Variants in LGSN observed in about 807,000 individuals in gnomAD.
The protein encoded by LGSN is lengsin.
A neutral mutation model predicts 19.5 loss-of-function variants in LGSN; 21 were observed. The ratio of observed to expected loss-of-function variants is 1.07; its 90% CI spans 0.76 to 1.55. The LOEUF is 1.55. Ranked by LOEUF, LGSN falls within the 40% of genes most tolerant of loss-of-function variation. The pLI, the probability that LGSN is intolerant of heterozygous loss-of-function variation, is 0.00. For synonymous variants in LGSN, 257 were observed against 215.6 expected (o/e 1.19, Z -1.68); for missense variants, 673 against 608.5 (o/e 1.11, Z -1.12).
the LGSN span, among the ~76,000 whole-genome samples, chr6:63,411,359 A>T: frequency 6.6e-6 from 1 of 152,196 alleles, no homozygotes; most frequent in East Asian, 1.9e-4. Context: ...CATCAGAGAT[A>T]AGTTACACTA....
the LGSN span, among the ~76,000 whole-genome samples, chr6:63,436,169 A>G: frequency 6.6e-6 from 1 of 152,088 alleles, no homozygotes; most frequent in Non-Finnish European, 1.5e-5. Context: ...TTTTTTCCTT[A>G]TATCACTTTA....
the LGSN span, among the ~76,000 whole-genome samples, chr6:63,536,245 G>A: frequency 1.4e-4 from 22 of 152,236 alleles, no homozygotes; most frequent in Non-Finnish European, 2.5e-4. Context: ...CAGGAGAATC[G>A]CTCGAACCTG....
At chr6:63,414,506 T>C in the LGSN span, among the ~76,000 whole-genome samples, 4 of 152,250 alleles carry the variant, frequency 2.6e-5, no homozygotes, top group South Asian at 2.1e-4. Context: ...GTGTTGATTA[T>C]GTCTATTACC....
the LGSN span, among the ~76,000 whole-genome samples, chr6:63,482,064 A>G: frequency 6.6e-6 from 1 of 152,264 alleles, no homozygotes; most frequent in African/African-American, 2.4e-5. Flanking sequence ...CCTATAAGAT[A>G]TAGTAATTCA....
chr6:63,548,686 C>T, the LGSN span: 1 of 517,778 alleles, frequency 1.9e-6, no homozygotes, highest in Admixed American at 3.1e-5. Flanking sequence ...TTTTTATGTA[C>T]AGAAAACTCA....
At chr6:63,465,251 G>T in the LGSN span, among the ~76,000 whole-genome samples, 3 of 152,044 alleles carry the variant, frequency 2.0e-5, no homozygotes, top group South Asian at 6.2e-4. Context: ...CTCCATCTCG[G>T]CTCGCTGCAA....
At chr6:63,567,171 T>C in the LGSN span, among the ~76,000 whole-genome samples, 1 of 152,270 alleles carries the variant, frequency 6.6e-6, no homozygotes, top group Non-Finnish European at 1.5e-5. Flanking sequence ...CTCCTGTTCA[T>C]GCTGATACTT....
chr6:63,447,694 G>C, the LGSN span, among the ~76,000 whole-genome samples: 1 of 151,810 alleles, frequency 6.6e-6, no homozygotes, highest in Non-Finnish European at 1.5e-5. Flanking sequence ...TCACAATCTT[G>C]GAATTTCTAT....
the LGSN span, among the ~76,000 whole-genome samples, chr6:63,344,170 A>G: frequency 6.6e-6 from 1 of 152,218 alleles, no homozygotes; most frequent in African/African-American, 2.4e-5. Flanking sequence ...TGAGATAATA[A>G]ATAGGTGTTG....
the LGSN span, among the ~76,000 whole-genome samples, chr6:63,427,942 TTATC>T: frequency 6.6e-6 from 1 of 152,210 alleles, no homozygotes; most frequent in South Asian, 2.1e-4. Flanking sequence ...AGGCACCTAA[TTATC>T]TATATATCCC....
the LGSN span, among the ~76,000 whole-genome samples, chr6:63,484,191 CA>C: frequency 6.6e-6 from 1 of 151,722 alleles, no homozygotes; most frequent in African/African-American, 2.4e-5. Context: ...ACCACCAATC[CA>C]TCCTAAAATA....
the LGSN span, among the ~76,000 whole-genome samples, chr6:63,429,395 T>C: frequency 5.2e-3 from 790 of 152,260 alleles, 5 homozygotes; most frequent in African/African-American, 0.018. Flanking sequence ...ATATTATATA[T>C]GAATTGGACC....
chr6:63,318,298 G>A (rs1420721607), intron 1 of LGSN, among the ~76,000 whole-genome samples: 1 of 152,170 alleles, frequency 6.6e-6, no homozygotes, highest in Admixed American at 6.5e-5. Flanking sequence ...TTCAGCTGCT[G>A]TGTTTTGTAG....
the LGSN span, among the ~76,000 whole-genome samples, chr6:63,532,086 A>T: frequency 6.6e-6 from 1 of 152,176 alleles, no homozygotes; most frequent in Non-Finnish European, 1.5e-5. Flanking sequence ...GGCGTGAGCC[A>T]CCACGCCCGG....
the LGSN span, among the ~76,000 whole-genome samples, chr6:63,427,702 T>C: frequency 4.8e-4 from 73 of 152,330 alleles, no homozygotes; most frequent in Admixed American, 1.2e-3. Context: ...ATCTGTTTTC[T>C]CCTTGTGGGT....
chr6:63,344,804 G>GA, the LGSN span, among the ~76,000 whole-genome samples: 3 of 152,116 alleles, frequency 2.0e-5, no homozygotes, highest in Non-Finnish European at 2.9e-5. Flanking sequence ...TTGTAGTACA[G>GA]AAAAAAATAC....
At chr6:63,406,966 A>G in the LGSN span, among the ~76,000 whole-genome samples, 2,312 of 152,312 alleles carry the variant, frequency 0.015, 60 homozygotes, top group African/African-American at 0.053. Context: ...ACACCCTCCC[A>G]AGACTAAACC....
chr6:63,321,707 A>C (rs964120216), upstream of LGSN, among the ~76,000 whole-genome samples: 4 of 152,214 alleles, frequency 2.6e-5, no homozygotes, highest in African/African-American at 9.6e-5. Flanking sequence ...ATTTAGAATC[A>C]GTTTTTCCAA....
At chr6:63,548,743 C>A in the LGSN span, 1 of 681,394 alleles carries the variant, frequency 1.5e-6, no homozygotes, top group South Asian at 1.6e-5. Flanking sequence ...TGAGCCTTTG[C>A]CTTTTCGAGC....
Sources: gnomAD v4.1 joint callset for allele counts (sites outside exome capture counted in the v4.1 genomes callset) on GRCh38, gnomAD v4.1.1 for gene constraint, MANE v1.5 for transcripts, NCBI Gene and HGNC (gene_info 2026-07-23, HGNC 2026-07-21) for gene names.